KIF24: variants seen among roughly 807,000 people sequenced by gnomAD.
The protein encoded by KIF24 is kinesin-like protein KIF24.
KIF24 carries 81 observed loss-of-function variants against 118.9 expected under a neutral mutation model. The observed-to-expected ratio is 0.68, with a 90% confidence interval of 0.57 to 0.82. The LOEUF (loss-of-function observed/expected upper bound fraction) is 0.82, where lower values mean the gene tolerates loss of function less well. KIF24 is among the 40% of genes least tolerant of loss of function. KIF24 has a pLI of 0.00. For synonymous variants in KIF24, 599 were observed against 610.0 expected (o/e 0.98, Z 0.27); for missense variants, 1,560 against 1,661.6 (o/e 0.94, Z 1.06).
intron 2 of KIF24, 133 bp downstream of exon 2, chr9:34,310,591 C>T: frequency 1.7e-6 from 1 of 592,394 alleles, no homozygotes; most frequent in South Asian, 2.9e-5. Context: ...GATGCAAATG[C>T]TGTTCATGAT....
intron 6 of KIF24, chr9:34,282,473 T>C (rs1835880906): frequency 6.6e-6 from 1 of 151,726 alleles, no homozygotes; most frequent in Non-Finnish European, 1.5e-5. Flanking sequence ...ATGAATATAC[T>C]TTTAAAAAAT....
chr9:34,286,435 C>T (rs1376899372), intron 6 of KIF24, among the ~76,000 whole-genome samples, 182 bp downstream of exon 6: 1 of 152,156 alleles, frequency 6.6e-6, no homozygotes, highest in African/African-American at 2.4e-5. Flanking sequence ...GTGGGAGAAA[C>T]CCTATAGAGA....
In KIF24 at chr9:34,269,502, C is replaced by T. The variant is rs543164181; in HGVS notation, c.1338-140G>A. On this transcript the variant is annotated intron_variant, in intron 7 of 12. Transcript: ENST00000402558. ...TGGCGCGATTTTGGCTCACTGCAAC[C>T]TCTGCCTCCCGGGTTCACGCCATTC... 7 of 398,988 alleles carry T rather than the reference C, an allele frequency of 1.8e-5. No homozygotes were observed. The South Asian group carries it at 4.0e-4, about 23-fold the overall frequency. The allele number at this position is 398,988 out of a possible 1,614,324, so 24.7% of individuals were successfully genotyped here. A position where few individuals can be genotyped will look rare whatever the true frequency, so the allele number is the denominator to read the frequency against.
rs778228417 is a variant in KIF24, at chr9:34,306,366, C to A, written c.699G>T (p.Leu233=). The A allele has an allele frequency of 2.5e-6, 4 of 1,612,554 alleles. No individual in the cohort carries two copies. In the South Asian group the frequency reaches 4.4e-5, roughly 18 times the overall value. Residue 233 remains leucine (L), a synonymous_variant, in exon 3 of 13, where the codon CTG becomes CTT. Coordinates refer to ENST00000402558, the MANE Select transcript of KIF24 (RefSeq NM_194313.4). ...CTCCACGACGTACCTCCCTCATGCCCAGGGGGCGTTTTCGAACACAAACTC... is the reference window on the plus strand; with the variant it reads ...CTCCACGACGTACCTCCCTCATGCCAAGGGGGCGTTTTCGAACACAAACTC... ...KIRVCVRKRP[L]GMREVRRGEI...
At chr9:34,316,001 C>T (rs1587971011) in intron 1 of KIF24, among the ~76,000 whole-genome samples, 1 of 150,628 alleles carries the variant, frequency 6.6e-6, no homozygotes, top group African/African-American at 2.4e-5. Flanking sequence ...TGCACTCCAA[C>T]CTGGGTGACA....
At chr9:34,311,463 C>T (rs947763083) in intron 1 of KIF24, 92 bp from the exon 2 acceptor site, 11 of 581,022 alleles carry the variant, frequency 1.9e-5, no homozygotes, top group Non-Finnish European at 2.7e-5. Context: ...AACCACAAAA[C>T]AAACATGCAA....
Position 34,310,964 on chromosome 9 carries a change from T to A in KIF24, c.383A>T (p.Glu128Val). ...MCSLSDFSANEQKSTYLKVLE... is the reference protein window; with the variant it reads ...MCSLSDFSANVQKSTYLKVLE... Reference sequence around the variant, plus strand: ...CACTTTTAGGTAAGTGGACTTCTGTTCATTTGCAGAGAAATCTGATAAACT... The same window carrying A: ...CACTTTTAGGTAAGTGGACTTCTGTACATTTGCAGAGAAATCTGATAAACT... Residue 128 changes from glutamate (E) to valine (V), a missense_variant, in exon 2 of 13, where the codon GAA (glutamate) becomes GTA (valine). Physicochemically the swap from Glu to Val is moderately radical, Grantham distance 121. Around this residue, in one of 3 missense-constraint regions of KIF24, gnomAD observed 964 missense variants for 988.0 expected, o/e 0.98. Coordinates refer to ENST00000402558, the MANE Select transcript of KIF24 (RefSeq NM_194313.4). 6.2e-7 allele frequency: 1 copy of A among 1,614,000 alleles called. No individual in the cohort carries two copies. Among genetic ancestry groups the A allele is most frequent in the African/African-American group, 1.3e-5 (1 of 75,052 alleles).
At chr9:34,314,940 T>C (rs1837286569) in intron 1 of KIF24, among the ~76,000 whole-genome samples, 1 of 152,202 alleles carries the variant, frequency 6.6e-6, no homozygotes, top group South Asian at 2.1e-4. Context: ...GAGAGATAAA[T>C]GATCTATAAT....
Position 34,280,242 on chromosome 9 carries a change from C to A in KIF24, c.1215+6375G>T, listed in dbSNP as rs191385714. ...GAGCTTGCAGTGAGCCAAGATCCCGCCACTGCACTCCAACCTGGGCGACAG... is the reference window on the plus strand; with the variant it reads ...GAGCTTGCAGTGAGCCAAGATCCCGACACTGCACTCCAACCTGGGCGACAG... On this transcript the variant is annotated intron_variant, in intron 6 of 12. Transcript: ENST00000402558. Among the ~76,000 whole-genome samples, 16 of 133,210 alleles carry A rather than the reference C, an allele frequency of 1.2e-4. No individual in the cohort carries two copies. In the East Asian group the frequency reaches 3.8e-3, roughly 31 times the overall value. The allele number at this position is 133,210 out of a possible 152,430, so 87.4% of individuals were successfully genotyped here.
intron 3 of KIF24, among the ~76,000 whole-genome samples, chr9:34,300,872 A>G (rs1025560004): frequency 9.4e-5 from 13 of 138,090 alleles, no homozygotes; most frequent in African/African-American, 2.1e-4. Flanking sequence ...AAAAAAAAAA[A>G]AAGAAAAAAC....
intron 1 of KIF24, among the ~76,000 whole-genome samples, chr9:34,314,650 G>A (rs1384239781): frequency 1.3e-5 from 2 of 152,162 alleles, no homozygotes; most frequent in Admixed American, 6.5e-5. Context: ...AAATGCAAAT[G>A]CACTGATCCA....
At chr9:34,288,016 A>T (rs972638362) in intron 5 of KIF24, among the ~76,000 whole-genome samples, 2 of 152,002 alleles carry the variant, frequency 1.3e-5, no homozygotes, top group Non-Finnish European at 2.9e-5. Context: ...AAGATTCCTC[A>T]TGGACAGCCT....
chr9:34,270,433 G>C (rs538662312), intron 7 of KIF24, among the ~76,000 whole-genome samples: 2 of 142,604 alleles, frequency 1.4e-5, no homozygotes, highest in African/African-American at 5.2e-5. Flanking sequence ...GGAAAATGGC[G>C]TGAACCCGGG....
intron 1 of KIF24, chr9:34,319,448 C>T (rs753810529): frequency 1.1e-5 from 13 of 1,187,294 alleles, no homozygotes; most frequent in Middle Eastern, 1.9e-4. Flanking sequence ...ACCTGACCAG[C>T]GTGTTCCACG....
rs762729415 is a variant in KIF24, at chr9:34,256,127, TAC to T, written c.3478_3479del (p.Val1160ThrfsTer9). The T allele has an allele frequency of 1.5e-5, 24 of 1,609,182 alleles. No individual in the cohort carries two copies. In the African/African-American group the frequency reaches 2.0e-4, roughly 13 times the overall value. On this transcript the variant is annotated frameshift_variant, in exon 11 of 13. Coordinates refer to ENST00000402558, the MANE Select transcript of KIF24 (RefSeq NM_194313.4). LOFTEE classifies it high-confidence loss of function. ...TACCCATGTGTTCGTGGGAGAAAAG[TAC>T]AGTCTCTCTGCTCTGGCAGGCCTCT... ...LGEACQSRET[V>X]LFSHEHMGSE...
chr9:34,286,327 C>T (rs1445877429), intron 6 of KIF24, among the ~76,000 whole-genome samples: 1 of 152,086 alleles, frequency 6.6e-6, no homozygotes, highest in Admixed American at 6.6e-5. Context: ...GAGCGAGACT[C>T]CATCTCAAAA....
chr9:34,280,567 ACTCCACAGCAGAGGAAGCTCTG>A (rs1311598670), intron 6 of KIF24, among the ~76,000 whole-genome samples: 1 of 151,966 alleles, frequency 6.6e-6, no homozygotes. Flanking sequence ...TTTCCTTAGG[ACTCCACAGCAGAGGAAGCTCTG>A]GGGAGAATGG....
In KIF24 at chr9:34,283,018, C is replaced by T. The variant is rs143397528; in HGVS notation, c.1215+3599G>A. The stretch of plus-strand genomic sequence containing the variant: ...AGTGAACCCAGATCGAGCCATTGCA[C>T]TCCAGCGTGGGCGACAAGAGCAAAA... On this transcript the variant is annotated intron_variant, in intron 6 of 12. Coordinates refer to ENST00000402558, the MANE Select transcript of KIF24 (RefSeq NM_194313.4). 5.4e-3 allele frequency among the ~76,000 whole-genome samples: 781 copies of T among 144,066 alleles called. 8 individuals carry two copies. Among genetic ancestry groups the T allele is most frequent in the Admixed American group, 0.035 (482 of 13,802 alleles). The allele number at this position is 144,066 out of a possible 152,430, so 94.5% of individuals were successfully genotyped here.
Position 34,297,037 on chromosome 9 carries a change from A to G in KIF24, c.891T>C (p.Leu297=), listed in dbSNP as rs1836508920. 1.9e-6 allele frequency: 3 copies of G among 1,581,260 alleles called. No individual in the cohort carries two copies. In the African/African-American group the frequency reaches 4.0e-5, roughly 21 times the overall value. ...QDVYMKTTHP[L]IQHIFNGGNA... ...CGTACCCATTGAAAATATGCTGAAT[A>G]AGTGGGTGAGTAGTCTTCATGTATA... The change falls in exon 4 of 13, where the codon CTT becomes CTC. Residue 297 remains leucine, a synonymous_variant. Transcript: ENST00000402558.
Sources: gnomAD v4.1 joint callset for allele counts (sites outside exome capture counted in the v4.1 genomes callset) on GRCh38, gnomAD v4.1.1 for gene constraint, gnomAD v4.1.1 regional missense constraint, MANE v1.5 for transcripts, NCBI Gene and HGNC (gene_info 2026-07-23, HGNC 2026-07-21) for gene names.